The following SAMD12 variants were observed in gnomAD, a reference collection of about 807,000 sequenced individuals.
SAMD12 encodes the protein sterile alpha motif domain-containing protein 12.
In SAMD12, 9 loss-of-function variants were observed where a neutral mutation model predicts 15.0. The observed-to-expected ratio is 0.60, with a 90% CI of 0.36 to 1.05. The LOEUF (loss-of-function observed/expected upper bound fraction) is 1.05, where lower values mean the gene tolerates loss of function less well. Ranked by LOEUF, SAMD12 falls within the 50% of genes least tolerant of loss-of-function variation. The pLI, the probability that SAMD12 is intolerant of heterozygous loss-of-function variation, is 0.01. For missense variants in SAMD12, 230 were observed against 234.2 expected, an observed-to-expected ratio of 0.98 and a Z score of 0.12; for synonymous variants, 86 against 90.1, an observed-to-expected ratio of 0.96 and a Z score of 0.25.
intron 4 of SAMD12, among the ~76,000 whole-genome samples, chr8:118,250,239 T>A (rs1385248389): frequency 6.6e-6 from 1 of 152,116 alleles, no homozygotes; most frequent in Non-Finnish European, 1.5e-5. Context: ...GTCCTGTGTT[T>A]GAATCCTGGC....
the SAMD12 span, among the ~76,000 whole-genome samples, chr8:118,163,758 C>T: frequency 1.3e-5 from 2 of 152,118 alleles, no homozygotes; most frequent in African/African-American, 4.8e-5. Flanking sequence ...GCCTGTAGTC[C>T]CAGCTACTCA....
At chr8:118,219,882 C>T (rs572151939) in intron 4 of SAMD12, among the ~76,000 whole-genome samples, 13 of 152,204 alleles carry the variant, frequency 8.5e-5, no homozygotes, top group Non-Finnish European at 1.6e-4. Flanking sequence ...CCCCAACGTG[C>T]AACTCTCAAC....
chr8:118,372,466 A>G (rs1819156589), intron 4 of SAMD12, among the ~76,000 whole-genome samples: 1 of 143,724 alleles, frequency 7.0e-6, no homozygotes, highest in African/African-American at 2.6e-5. Flanking sequence ...TTTCATATGT[A>G]TTAAAGCCAG....
At chr8:118,327,455 G>A (rs984136390) in intron 4 of SAMD12, among the ~76,000 whole-genome samples, 3 of 152,106 alleles carry the variant, frequency 2.0e-5, no homozygotes, top group South Asian at 4.1e-4. Flanking sequence ...CTATAAACAG[G>A]TGTCAATTAA....
At chr8:118,190,183 T>C (rs928958870) in exon 5 of SAMD12, 2 of 152,190 alleles carry the variant, frequency 1.3e-5, no homozygotes, top group African/African-American at 4.8e-5. Context: ...ATTTTTTTAA[T>C]CAGATTCTCC....
chr8:118,324,993 G>A (rs1297278216), intron 4 of SAMD12, among the ~76,000 whole-genome samples: 1 of 152,140 alleles, frequency 6.6e-6, no homozygotes, highest in East Asian at 1.9e-4. Flanking sequence ...ACTGGTCATA[G>A]GGATTTGCCT....
At chr8:118,566,045 G>C (rs1826837310) in intron 2 of SAMD12, among the ~76,000 whole-genome samples, 1 of 152,188 alleles carries the variant, frequency 6.6e-6, no homozygotes, top group African/African-American at 2.4e-5. Flanking sequence ...CTGCGGAGCA[G>C]CTAGAGTCTT....
At chr8:118,396,483 A>G (rs1241889249) in intron 3 of SAMD12, among the ~76,000 whole-genome samples, 3 of 152,280 alleles carry the variant, frequency 2.0e-5, no homozygotes, top group Admixed American at 6.5e-5. Context: ...TGAAGAAAGC[A>G]TGGGTTGTAT....
chr8:118,590,642 G>A (rs1827565955), intron 1 of SAMD12, among the ~76,000 whole-genome samples: 1 of 152,164 alleles, frequency 6.6e-6, no homozygotes, highest in Admixed American at 6.5e-5. Flanking sequence ...CTTTTCCCTG[G>A]CCAGACTGGC....
At chr8:118,550,496 G>C (rs1270050902) in intron 2 of SAMD12, among the ~76,000 whole-genome samples, 1,942 of 152,146 alleles carry the variant, frequency 0.013, 49 homozygotes, top group African/African-American at 0.042. Context: ...TTTGTCACCA[G>C]CAGGCCTGCC....
chr8:118,514,887 G>T (rs931436786), intron 2 of SAMD12, among the ~76,000 whole-genome samples: 6 of 152,214 alleles, frequency 3.9e-5, no homozygotes, highest in Non-Finnish European at 8.8e-5. Context: ...ATGTCAAATT[G>T]TAATTCCCAA....
At chr8:118,264,208 C>T (rs1409871155) in intron 4 of SAMD12, among the ~76,000 whole-genome samples, 2 of 152,104 alleles carry the variant, frequency 1.3e-5, no homozygotes, top group Non-Finnish European at 2.9e-5. Flanking sequence ...TTACCACCCT[C>T]TGAATGTGTT....
chr8:118,399,209 T>G, intron 3 of SAMD12, among the ~76,000 whole-genome samples: 1 of 152,016 alleles, frequency 6.6e-6, no homozygotes, highest in East Asian at 1.9e-4. Context: ...TTCTTTTTTT[T>G]TTTTTAATAA....
the SAMD12 span, among the ~76,000 whole-genome samples, chr8:118,133,789 A>G: frequency 6.6e-6 from 1 of 152,290 alleles, no homozygotes; most frequent in East Asian, 1.9e-4. Context: ...CTGATAAAAT[A>G]AGACAAAGTA....
intron 1 of SAMD12, among the ~76,000 whole-genome samples, chr8:118,581,515 A>G (rs1209016333): frequency 2.0e-5 from 3 of 152,218 alleles, no homozygotes; most frequent in Non-Finnish European, 2.9e-5. Context: ...TGGCAAAGAA[A>G]AAAAAGCCAG....
At chr8:118,174,974 A>G in the SAMD12 span, among the ~76,000 whole-genome samples, 1 of 151,696 alleles carries the variant, frequency 6.6e-6, no homozygotes, top group South Asian at 2.1e-4. Context: ...CAGGATCTTT[A>G]CCTGTGTAAC....
chr8:118,578,365 A>G (rs1371961593), intron 2 of SAMD12, among the ~76,000 whole-genome samples: 1 of 152,176 alleles, frequency 6.6e-6, no homozygotes, highest in Non-Finnish European at 1.5e-5. Context: ...GTAAGTTCCT[A>G]CAGAGGGAAT....
At chr8:118,534,647 T>C (rs1035529238) in intron 2 of SAMD12, among the ~76,000 whole-genome samples, 1 of 152,224 alleles carries the variant, frequency 6.6e-6, no homozygotes, top group African/African-American at 2.4e-5. Context: ...CATTTCTTTT[T>C]ACTCTTTTCT....
At chr8:118,381,698 C>G (rs1819680178) in intron 3 of SAMD12, among the ~76,000 whole-genome samples, 2 of 152,132 alleles carry the variant, frequency 1.3e-5, no homozygotes, top group Non-Finnish European at 1.5e-5. Context: ...GAATTATCTC[C>G]CACACCCCAT....
Sources: gnomAD v4.1 joint callset for allele counts (sites outside exome capture counted in the v4.1 genomes callset) on GRCh38, gnomAD v4.1.1 for gene constraint, MANE v1.5 for transcripts, NCBI Gene and HGNC (gene_info 2026-07-23, HGNC 2026-07-21) for gene names.